STYXL1: variants seen among roughly 807,000 people sequenced by gnomAD.
STYXL1 encodes the protein serine/threonine/tyrosine interacting like 1, also known as serine/threonine/tyrosine-interacting-like protein 1.
Under a neutral mutation model 36.4 loss-of-function variants are expected in STYXL1, and 32 were observed. The observed-to-expected ratio is 0.88, with a 90% CI of 0.66 to 1.18. The LOEUF (loss-of-function observed/expected upper bound fraction) is 1.18, where lower values mean the gene tolerates loss of function less well. STYXL1 is among the 50% of genes most tolerant of loss of function. The pLI, the probability that STYXL1 is intolerant of heterozygous loss-of-function variation, is 0.00. For synonymous variants in STYXL1, 133 were observed against 144.1 expected (o/e 0.92, Z 0.55); for missense variants, 354 against 394.1 (o/e 0.90, Z 0.86).
chr7:76,035,393 T>G lies in STYXL1; in HGVS notation c.-4-4866A>C, dbSNP rs1585324715. Among the ~76,000 whole-genome samples the G allele has an allele frequency of 2.3e-5, 3 of 131,990 alleles. No individual in the cohort carries two copies. The South Asian group carries it at 8.2e-4, about 36-fold the overall frequency. 86.6% of individuals were successfully genotyped at this position (131,990 alleles called of 152,430 possible). ...TGCTTGTTTATTGTCTCCTGGTTTC[T>G]GAGGGAAGGTCTTGCCTGTCTTGTC... On this transcript the variant is annotated intron_variant, in intron 1 of 8. Coordinates refer to ENST00000359697, the MANE Select transcript of STYXL1 (RefSeq NM_001317785.2).
chr7:76,037,701 A>AC lies in STYXL1; in HGVS notation c.-4-7175dup, dbSNP rs141210652. The stretch of plus-strand genomic sequence containing the variant: ...AGCGCTCAACTGCCAAGCCACCCTA[A>AC]CCCCCAAGACAGTCCAGGTGGACAC... On this transcript the variant is annotated intron_variant, in intron 1 of 8. Coordinates refer to ENST00000359697, the MANE Select transcript of STYXL1 (RefSeq NM_001317785.2). 8.1e-4 allele frequency among the ~76,000 whole-genome samples: 120 copies of AC among 148,834 alleles called. 1 individual carries two copies. In the East Asian group the frequency reaches 0.02, roughly 25 times the overall value.
intron 1 of STYXL1, among the ~76,000 whole-genome samples, chr7:76,043,592 TAAGA>T (rs1796688026): frequency 6.6e-6 from 1 of 151,366 alleles, no homozygotes; most frequent in Middle Eastern, 3.4e-3. Flanking sequence ...GAACTGGAGG[TAAGA>T]AAGACCCCCA....
chr7:76,041,353 T>A (rs1156457722), intron 1 of STYXL1, among the ~76,000 whole-genome samples: 1 of 152,056 alleles, frequency 6.6e-6, no homozygotes, highest in African/African-American at 2.4e-5. Flanking sequence ...CATGTGGGTG[T>A]GTAGGGGTGG....
chr7:76,019,817 G>A (rs1793833251), intron 4 of STYXL1, among the ~76,000 whole-genome samples: 1 of 151,706 alleles, frequency 6.6e-6, no homozygotes, highest in Non-Finnish European at 1.5e-5. Flanking sequence ...GTTCAGGCCA[G>A]GCATGGTGGC....
chr7:75,998,316 G>C (rs1182507132), intron 8 of STYXL1, among the ~76,000 whole-genome samples: 2 of 83,780 alleles, frequency 2.4e-5, no homozygotes, highest in Non-Finnish European at 5.2e-5. Flanking sequence ...TTTTTTTTTT[G>C]AGACTGAGTC....
intron 8 of STYXL1, among the ~76,000 whole-genome samples, chr7:75,999,984 A>C (rs1193598902): frequency 4.7e-5 from 7 of 148,486 alleles, no homozygotes; most frequent in South Asian, 2.3e-4. Flanking sequence ...CCCCACCACC[A>C]CCCCACACAT....
At position 76,017,866 on chromosome 7, in the gene STYXL1, C is replaced by CA. The variant is rs71082374; in HGVS notation, c.308-3980dup. ...GGGCAACAAGAGCAAAACTCCATCT[C>CA]AAAAAAAAAAAAAAAGGCAAGACAG... On this transcript the variant is annotated intron_variant, in intron 4 of 8. Transcript: ENST00000359697. Among the ~76,000 whole-genome samples, 7 of 10,364 alleles carry CA rather than the reference C, an allele frequency of 6.8e-4. 1 individual carries two copies. The highest frequency in any genetic ancestry group is 1.1e-3 in the African/African-American group (5 of 4,606). 6.8% of individuals were successfully genotyped at this position (10,364 alleles called of 152,430 possible).
At position 76,045,242 on chromosome 7, in the gene STYXL1, T is replaced by C. The variant is rs374346093; in HGVS notation, c.-5+2420A>G. The C allele has an allele frequency of 3.9e-5, 6 of 152,330 alleles. No homozygotes were observed. In the East Asian group the frequency reaches 1.2e-3, roughly 29 times the overall value. 9.4% of individuals were successfully genotyped at this position (152,330 alleles called of 1,614,324 possible). On this transcript the variant is annotated intron_variant, in intron 1 of 8. Transcript: ENST00000359697. ...ACACTGGCCCTACCCACTCCATTTC[T>C]ATGGCCACCACCGTAATTCAGACCT...
intron 5 of STYXL1, among the ~76,000 whole-genome samples, chr7:76,010,630 G>A (rs1423300988): frequency 3.3e-5 from 5 of 152,108 alleles, no homozygotes; most frequent in Non-Finnish European, 7.3e-5. Context: ...ACAGCCAGAC[G>A]GGGCCAGAGA....
At chr7:76,019,084 T>G (rs1793735377) in intron 4 of STYXL1, among the ~76,000 whole-genome samples, 1 of 152,166 alleles carries the variant, frequency 6.6e-6, no homozygotes, top group Non-Finnish European at 1.5e-5. Flanking sequence ...TTCATTGATC[T>G]GCAGAATCAC....
At position 76,046,277 on chromosome 7, in the gene STYXL1, TGTGTGTGTGTGTGTGTGTG is replaced by T. The variant is rs1563534354; in HGVS notation, c.-5+1366_-5+1384del. ...CCAGCATGTCTCAGCTTATCTGCTG[TGTGTGTGTGTGTGTGTGTG>T]TGTGTGTGTGTGTGTGTGTGTGTGT... On this transcript the variant is annotated intron_variant, in intron 1 of 8. Coordinates refer to ENST00000359697, the MANE Select transcript of STYXL1 (RefSeq NM_001317785.2). Among the ~76,000 whole-genome samples, 161 of 17,980 alleles carry T rather than the reference TGTGTGTGTGTGTGTGTGTG, an allele frequency of 9.0e-3. 6 individuals are homozygous for T. The highest frequency in any genetic ancestry group is 0.023 in the African/African-American group (136 of 5,928). 11.8% of individuals were successfully genotyped at this position (17,980 alleles called of 152,430 possible).
chr7:76,013,918 T>TC, intron 4 of STYXL1, 31 bp from the exon 5 acceptor site: 1 of 1,584,628 alleles, frequency 6.3e-7, no homozygotes, highest in Non-Finnish European at 8.6e-7. Flanking sequence ...CATGAATGTC[T>TC]CCTGTGTATC....
At chr7:76,031,894 A>G (rs1229062797) in intron 1 of STYXL1, among the ~76,000 whole-genome samples, 1 of 152,194 alleles carries the variant, frequency 6.6e-6, no homozygotes, top group Non-Finnish European at 1.5e-5. Context: ...TGTGGTAAAC[A>G]AAACCTGCCT....
chr7:76,047,976 G>C lies in STYXL1; in HGVS notation c.-319C>G. 6.8e-7 allele frequency: 1 copy of C among 1,480,928 alleles called. No individual in the cohort carries two copies. The highest frequency in any genetic ancestry group is 2.1e-5 in the Admixed American group (1 of 46,920). 91.7% of individuals were successfully genotyped at this position (1,480,928 alleles called of 1,614,324 possible). On this transcript the variant is annotated 5_prime_UTR_variant, in exon 1 of 9. Coordinates refer to ENST00000359697, the MANE Select transcript of STYXL1 (RefSeq NM_001317785.2). ...CCGGGGTTGCCAGGATGGTCCCACA[G>C]CTTTCCTTTCCGACTCCCGGAAGTG...
chr7:76,035,932 T>TG (rs1199695003), intron 1 of STYXL1, among the ~76,000 whole-genome samples: 1 of 149,726 alleles, frequency 6.7e-6, no homozygotes, highest in Non-Finnish European at 1.5e-5. Flanking sequence ...CCTCATCCAC[T>TG]GGTAAAGTGC....
intron 1 of STYXL1, among the ~76,000 whole-genome samples, chr7:76,040,791 G>A (rs1585348141): frequency 1.3e-5 from 2 of 149,256 alleles, no homozygotes; most frequent in South Asian, 4.2e-4. Flanking sequence ...AGCTGAAATC[G>A]TGCCATTGCA....
At chr7:76,017,863 T>C (rs1793573008) in intron 4 of STYXL1, among the ~76,000 whole-genome samples, 1 of 586 alleles carries the variant, frequency 1.7e-3, no homozygotes, top group Non-Finnish European at 0.056. Flanking sequence ...CAAAACTCCA[T>C]CTCAAAAAAA....
At chr7:76,030,308 C>G (rs1795184631) in intron 2 of STYXL1, 113 bp downstream of exon 2, 5 of 766,404 alleles carry the variant, frequency 6.5e-6, no homozygotes, top group Non-Finnish European at 1.1e-5. Flanking sequence ...CCAGGGATCC[C>G]TGTTCTAAAG....
chr7:76,007,740 G>A (rs1791970950), intron 5 of STYXL1, among the ~76,000 whole-genome samples: 1 of 151,728 alleles, frequency 6.6e-6, no homozygotes, highest in Non-Finnish European at 1.5e-5. Context: ...GGGTAACACA[G>A]CAAGACCCTT....
Sources: gnomAD v4.1 joint callset for allele counts (sites outside exome capture counted in the v4.1 genomes callset) on GRCh38, gnomAD v4.1.1 for gene constraint, MANE v1.5 for transcripts, NCBI Gene and HGNC (gene_info 2026-07-23, HGNC 2026-07-21) for gene names.